The following N4BP2 variants were observed in gnomAD, a reference collection of about 807,000 sequenced individuals.
N4BP2 encodes NEDD4-binding protein 2.
N4BP2 carries 91 observed loss-of-function variants against 152.8 expected under a neutral mutation model. The ratio of observed to expected loss-of-function variants is 0.60; its 90% confidence interval spans 0.50 to 0.71. The LOEUF (loss-of-function observed/expected upper bound fraction) is 0.71. Ranked by LOEUF, N4BP2 falls within the 30% of genes least tolerant of loss-of-function variation. The probability of loss-of-function intolerance (pLI) is 0.00; values close to 1 mark genes in which losing one functional copy is unlikely to be tolerated. For synonymous variants in N4BP2, 646 were observed against 705.3 expected (o/e 0.92, Z 1.33); for missense variants, 1,923 against 2,059.1 (o/e 0.93, Z 1.28).
At chr4:40,069,372 A>C (rs1711919291) in intron 1 of N4BP2, among the ~76,000 whole-genome samples, 1 of 152,150 alleles carries the variant, frequency 6.6e-6, no homozygotes, top group African/African-American at 2.4e-5. Context: ...TGGGAGGTGG[A>C]GCCAAGATTG....
chr4:40,095,464 T>C (rs957049773), intron 2 of N4BP2, among the ~76,000 whole-genome samples: 14 of 152,242 alleles, frequency 9.2e-5, no homozygotes, highest in African/African-American at 3.4e-4. Context: ...CTCTGAATTC[T>C]GCTTATGTCT....
At position 40,124,031 on chromosome 4, in the gene N4BP2, A is replaced by C. The variant is rs1157449525; in HGVS notation, c.4285-129A>C. 4 of 548,730 alleles carry C rather than the reference A, an allele frequency of 7.3e-6. No homozygotes were observed. The African/African-American group carries it at 7.7e-5, about 11-fold the overall frequency. 34.0% of individuals were successfully genotyped at this position (548,730 alleles called of 1,614,324 possible). A position where few individuals can be genotyped will look rare whatever the true frequency, so the allele number is the denominator to read the frequency against. ...ATTATCTAACTTTATTGTTTTACTTAGATTGAGTAAGAATGGTTTACAGTT... is the reference window on the plus strand; with the variant it reads ...ATTATCTAACTTTATTGTTTTACTTCGATTGAGTAAGAATGGTTTACAGTT... On this transcript the variant is annotated intron_variant, in intron 10 of 17. Transcript: ENST00000261435.
intron 13 of N4BP2, among the ~76,000 whole-genome samples, chr4:40,136,394 C>CTATCT (rs1553926204): frequency 1.5e-5 from 2 of 133,628 alleles, no homozygotes. Flanking sequence ...ATCTATCTAT[C>CTATCT]TTTTTTTTGA....
In N4BP2 at chr4:40,071,588, C is replaced by T. The variant is rs561329249; in HGVS notation, c.-211-1867C>T. On this transcript the variant is annotated intron_variant, in intron 1 of 17. Transcript: ENST00000261435. The stretch of plus-strand genomic sequence containing the variant: ...TTTTTTATTTTTTATTTTTTTGAGA[C>T]GGAGTTTTGCTCTTGTTGCCCAGGC... Among the ~76,000 whole-genome samples the T allele has an allele frequency of 2.6e-5, 4 of 152,002 alleles. No homozygotes were observed. In the East Asian group the frequency reaches 5.8e-4, roughly 22 times the overall value.
intron 13 of N4BP2, among the ~76,000 whole-genome samples, chr4:40,136,611 C>T (rs1396420496): frequency 6.6e-6 from 1 of 152,170 alleles, no homozygotes; most frequent in African/African-American, 2.4e-5. Flanking sequence ...AGTCTCTTAA[C>T]TCCTGACCTC....
At chr4:40,132,579 G>A (rs1393858155) in intron 13 of N4BP2, among the ~76,000 whole-genome samples, 1 of 151,992 alleles carries the variant, frequency 6.6e-6, no homozygotes, top group African/African-American at 2.4e-5. Context: ...TGAGCTATTT[G>A]TTAGATCCTG....
At chr4:40,170,059 AT>A in the N4BP2 span, among the ~76,000 whole-genome samples, 6 of 152,140 alleles carry the variant, frequency 3.9e-5, no homozygotes, top group East Asian at 5.8e-4. Flanking sequence ...AGATAAAAAA[AT>A]CTCTGAAAAA....
At chr4:40,184,612 G>A in the N4BP2 span, among the ~76,000 whole-genome samples, 6 of 152,004 alleles carry the variant, frequency 3.9e-5, no homozygotes, top group African/African-American at 1.2e-4. Flanking sequence ...TATTACTATC[G>A]GGTCTAATTA....
rs1718400806 is a variant in N4BP2 at position 40,126,277 on chromosome 4, T to C, written c.4474T>C (p.Ser1492Pro). 6.3e-7 allele frequency: 1 copy of C among 1,591,244 alleles called. No individual in the cohort carries two copies. The highest frequency in any genetic ancestry group is 8.6e-7 in the Non-Finnish European group (1 of 1,168,222). ...DHWNTQTKKV[S>P]LREIMSEEIA... ...TTGGAATACTCAAACTAAAAAAGTA[T>C]CACTCAGAGAAATAATGTCAGAAGA... Residue 1492 changes from serine (S) to proline (P), a missense_variant, in exon 12 of 18, where the codon TCA becomes CCA. Transcript: ENST00000261435.
At chr4:40,076,178 A>T (rs1226394163) in intron 2 of N4BP2, among the ~76,000 whole-genome samples, 1 of 152,198 alleles carries the variant, frequency 6.6e-6, no homozygotes, top group Non-Finnish European at 1.5e-5. Flanking sequence ...TACATTTTCT[A>T]TAAAAAGTAT....
intron 2 of N4BP2, among the ~76,000 whole-genome samples, chr4:40,082,770 G>A (rs898397836): frequency 7.3e-5 from 11 of 150,854 alleles, no homozygotes; most frequent in African/African-American, 1.5e-4. Context: ...GCTCAATCTC[G>A]GCTGACTGCA....
intron 1 of N4BP2, among the ~76,000 whole-genome samples, chr4:40,057,721 A>G (rs563664127): frequency 6.6e-6 from 1 of 152,152 alleles, no homozygotes; most frequent in Non-Finnish European, 1.5e-5. Context: ...CAATAGAGTG[A>G]GTCATCTTAG....
At chr4:40,090,952 A>AAAAAAAAAGTTGT (rs368159426) in intron 2 of N4BP2, among the ~76,000 whole-genome samples, 6 of 100,072 alleles carry the variant, frequency 6.0e-5, no homozygotes, top group South Asian at 3.7e-4. Context: ...AAAAAAAAAA[A>AAAAAAAAAGTTGT]AGTTTATAAG....
At chr4:40,166,045 C>T in the N4BP2 span, among the ~76,000 whole-genome samples, 2 of 152,142 alleles carry the variant, frequency 1.3e-5, no homozygotes, top group African/African-American at 4.8e-5. Context: ...CTCATCTCAG[C>T]TTCCTTGGTT....
rs116185621 is a variant in N4BP2, at chr4:40,083,014, C to T, written c.-115+9463C>T. 6.4e-3 allele frequency: 1,761 copies of T among 274,858 alleles called. 33 individuals are homozygous for T. The highest frequency in any genetic ancestry group is 0.037 in the African/African-American group (1,650 of 44,836). 17.0% of individuals were successfully genotyped at this position (274,858 alleles called of 1,614,324 possible). A position where few individuals can be genotyped will look rare whatever the true frequency, so the allele number is the denominator to read the frequency against. On this transcript the variant is annotated intron_variant, in intron 2 of 17. Transcript: ENST00000261435. ...CGCACCCGGCCGGGCTGTATTCTTACACTGACTGTATAGAAAGAGGAGATA... is the reference window on the plus strand; with the variant it reads ...CGCACCCGGCCGGGCTGTATTCTTATACTGACTGTATAGAAAGAGGAGATA...
chr4:40,176,281 A>G, the N4BP2 span, among the ~76,000 whole-genome samples: 1 of 152,194 alleles, frequency 6.6e-6, no homozygotes, highest in Admixed American at 6.5e-5. Flanking sequence ...ATCTTTTCTG[A>G]GGTTCTAAAA....
chr4:40,164,654 G>A, the N4BP2 span, among the ~76,000 whole-genome samples: 3 of 152,208 alleles, frequency 2.0e-5, no homozygotes, highest in Non-Finnish European at 4.4e-5. Flanking sequence ...GGAGAGACGA[G>A]ATAGATAGGG....
chr4:40,103,773 C>T (rs1715938602), intron 4 of N4BP2, among the ~76,000 whole-genome samples: 1 of 152,052 alleles, frequency 6.6e-6, no homozygotes, highest in Admixed American at 6.6e-5. Flanking sequence ...ATATATACAC[C>T]TTTATCCCTT....
intron 2 of N4BP2, among the ~76,000 whole-genome samples, chr4:40,084,240 C>T (rs969054904): frequency 1.3e-5 from 2 of 152,108 alleles, no homozygotes; most frequent in South Asian, 2.1e-4. Context: ...CGTGAGCCAC[C>T]GCACCCAGCT....
Sources: gnomAD v4.1 joint callset for allele counts (sites outside exome capture counted in the v4.1 genomes callset) on GRCh38, gnomAD v4.1.1 for gene constraint, MANE v1.5 for transcripts, NCBI Gene and HGNC (gene_info 2026-07-23, HGNC 2026-07-21) for gene names.